PPP1R13L: variants seen among roughly 807,000 people sequenced by gnomAD.
PPP1R13L encodes the protein relA-associated inhibitor.
In PPP1R13L, 50 loss-of-function variants were observed where a neutral mutation model predicts 80.9. The observed-to-expected ratio is 0.62, with a 90% CI of 0.49 to 0.78. The LOEUF is 0.78. Ranked by LOEUF, PPP1R13L falls within the 30% of genes least tolerant of loss-of-function variation. The probability of loss-of-function intolerance (pLI) is 0.00; values close to 1 mark genes in which losing one functional copy is unlikely to be tolerated. For synonymous variants in PPP1R13L, 602 were observed against 534.3 expected, an observed-to-expected ratio of 1.13 and a Z score of -1.75; for missense variants, 1,200 against 1,205.9, an observed-to-expected ratio of 1.00 and a Z score of 0.07.
Position 45,380,729 on chromosome 19 carries a change from G to C in PPP1R13L, c.2449-501C>G, listed in dbSNP as rs1001781232. The stretch of plus-strand genomic sequence containing the variant: ...AGCTACTTGGGAGGCTGAGGCAGGA[G>C]AATCACTTGAATCCGGGAGGTGGAG... On this transcript the variant is annotated intron_variant, in intron 12 of 12. Transcript: ENST00000360957. 2.6e-5 allele frequency among the ~76,000 whole-genome samples: 4 copies of C among 151,954 alleles called. 1 individual carries two copies. The South Asian group carries it at 8.3e-4, about 31-fold the overall frequency.
rs776665113 is a variant in PPP1R13L at position 45,396,387 on chromosome 19, G to A, written c.762C>T (p.Asp254=). 3.2e-5 allele frequency: 51 copies of A among 1,614,032 alleles called. No individual in the cohort carries two copies. Among genetic ancestry groups the A allele is most frequent in the Non-Finnish European group, 4.1e-5 (48 of 1,180,006 alleles). ...GCTTCTTCTCGTACGCCACGTCCAGGTCAGACTCGTTCCAGGCTTTCGGAG... is the reference window on the plus strand; with the variant it reads ...GCTTCTTCTCGTACGCCACGTCCAGATCAGACTCGTTCCAGGCTTTCGGAG... The part of the protein sequence containing the change: ...RRPPKAWNES[D]LDVAYEKKPS... The change falls in exon 5 of 13, where the codon GAC becomes GAT. Residue 254 remains aspartate, a synonymous_variant. Transcript: ENST00000360957. The surrounding 1 kb of genome is among the most constrained non-coding windows in gnomAD (Gnocchi z 5.3).
chr19:45,404,697 C>T (rs1248383271), intron 1 of PPP1R13L, among the ~76,000 whole-genome samples: 2 of 152,188 alleles, frequency 1.3e-5, no homozygotes, highest in Admixed American at 1.3e-4. Context: ...GATTCGAACC[C>T]CTATACTACC....
In PPP1R13L at chr19:45,397,462, TTCTCTCTC is replaced by T. The variant is rs750460850; in HGVS notation, c.199-412_199-405del. Among the ~76,000 whole-genome samples, 511 of 106,932 alleles carry T rather than the reference TTCTCTCTC, an allele frequency of 4.8e-3. 10 individuals are homozygous for T. The highest frequency in any genetic ancestry group is 0.01 in the South Asian group (31 of 2,980). The allele number at this position is 106,932 out of a possible 152,430, so 70.2% of individuals were successfully genotyped here. A position where few individuals can be genotyped will look rare whatever the true frequency, so the allele number is the denominator to read the frequency against. ...CTCCCTCCCTCCCTGCTTGCTTGCTTTCTCTCTCTCTCTTTCTTTCTTTCTTTCTTTCT... is the reference window on the plus strand; with the variant it reads ...CTCCCTCCCTCCCTGCTTGCTTGCTTTCTCTTTCTTTCTTTCTTTCTTTCT... On this transcript the variant is annotated intron_variant, in intron 3 of 12. Transcript: ENST00000360957.
chr19:45,405,289 G>A (rs1973311786), upstream of PPP1R13L, among the ~76,000 whole-genome samples: 1 of 152,198 alleles, frequency 6.6e-6, no homozygotes, highest in Non-Finnish European at 1.5e-5. Context: ...AGGCCAGGGA[G>A]ATACAGAAGA....
chr19:45,392,280 G>C lies in PPP1R13L; in HGVS notation c.1415C>G (p.Pro472Arg). The change falls in exon 8 of 13, where the codon CCA becomes CGA. Residue 472 changes from proline to arginine, a missense_variant. Pro to Arg is a moderately radical substitution (Grantham distance 103). Coordinates refer to ENST00000360957, the MANE Select transcript of PPP1R13L (RefSeq NM_006663.4). The stretch of plus-strand genomic sequence containing the variant: ...ATCCACATCGCCAGCCTCCAGCACT[G>C]GTGTCAGCAGCCCCTCTATCTCCGG... ...PEPEIEGLLTPVLEAGDVDEG... is the reference protein window; with the variant it reads ...PEPEIEGLLTRVLEAGDVDEG... 1 of 1,613,586 alleles carries C rather than the reference G, an allele frequency of 6.2e-7. No individual in the cohort carries two copies. The highest frequency in any genetic ancestry group is 8.5e-7 in the Non-Finnish European group (1 of 1,180,024).
At chr19:45,402,309 C>T (rs1973249454) in intron 1 of PPP1R13L, among the ~76,000 whole-genome samples, 1 of 152,198 alleles carries the variant, frequency 6.6e-6, no homozygotes, top group Non-Finnish European at 1.5e-5. Flanking sequence ...TCTCGAACTC[C>T]TAGCCTCATG....
intron 8 of PPP1R13L, among the ~76,000 whole-genome samples, chr19:45,389,469 G>T (rs2123364353): frequency 6.6e-6 from 1 of 152,294 alleles, no homozygotes; most frequent in East Asian, 1.9e-4. Flanking sequence ...AACAGTAAGA[G>T]CAGTTAACAG....
Position 45,396,016 on chromosome 19 carries a change from G to A in PPP1R13L, c.904-130C>T, listed in dbSNP as rs1224932056. The A allele has an allele frequency of 3.2e-6, 4 of 1,268,838 alleles. No individual in the cohort carries two copies. The highest frequency in any genetic ancestry group is 2.2e-5 in the Admixed American group (1 of 44,720). 78.6% of individuals were successfully genotyped at this position (1,268,838 alleles called of 1,614,324 possible). A position where few individuals can be genotyped will look rare whatever the true frequency, so the allele number is the denominator to read the frequency against. ...GTGAGGGAGAAGAAAGGGTGAGGAA[G>A]GAGCAGAAACCCAGCACAGTGAAGG... On this transcript the variant is annotated intron_variant, in intron 6 of 12. Transcript: ENST00000360957. The surrounding 1 kb of genome is among the most constrained non-coding windows in gnomAD (Gnocchi z 5.3).
intron 12 of PPP1R13L, among the ~76,000 whole-genome samples, chr19:45,380,632 A>G (rs1411765594): frequency 6.6e-6 from 1 of 152,170 alleles, no homozygotes; most frequent in Admixed American, 6.6e-5. Context: ...AGCCTGGTCA[A>G]CATGACGAGA....
At chr19:45,380,340 C>T (rs1972738729) in intron 12 of PPP1R13L, 112 bp from the exon 13 acceptor site, 3 of 1,219,386 alleles carry the variant, frequency 2.5e-6, no homozygotes, top group Non-Finnish European at 3.6e-6. Context: ...CCTCTCAGCA[C>T]CTCCCAAACT....
chr19:45,401,530 C>T (rs1195769274), intron 1 of PPP1R13L, among the ~76,000 whole-genome samples: 1 of 152,038 alleles, frequency 6.6e-6, no homozygotes, highest in Non-Finnish European at 1.5e-5. Context: ...CCTTTAATCT[C>T]TATGAGCCCC....
intron 1 of PPP1R13L, among the ~76,000 whole-genome samples, chr19:45,404,105 G>C (rs1252885738): frequency 6.6e-6 from 1 of 152,136 alleles, no homozygotes; most frequent in Admixed American, 6.5e-5. Context: ...GAAGAAGGAG[G>C]AGGCAGAATC....
At chr19:45,397,952 C>G in intron 3 of PPP1R13L, 53 bp downstream of exon 3, 1 of 1,571,290 alleles carries the variant, frequency 6.4e-7, no homozygotes, top group Non-Finnish European at 8.7e-7. Context: ...GGCCTCTGGT[C>G]TGGACTGTGG....
intron 11 of PPP1R13L, among the ~76,000 whole-genome samples, chr19:45,383,293 C>CTTTTTTTTT (rs1164667426): frequency 1.6e-5 from 1 of 62,840 alleles, no homozygotes; most frequent in Non-Finnish European, 2.7e-5. Flanking sequence ...CGCGCCCGGC[C>CTTTTTTTTT]TTTTTTTTTT....
intron 3 of PPP1R13L, 134 bp from the exon 4 acceptor site, chr19:45,397,192 C>T (rs1973122847): frequency 3.0e-6 from 2 of 664,552 alleles, no homozygotes; most frequent in Non-Finnish European, 4.3e-6. Flanking sequence ...GAAATTCAGG[C>T]ACAGAGAGCC....
In PPP1R13L at chr19:45,392,150, C is replaced by T. The variant is rs150359186; in HGVS notation, c.1545G>A (p.Ala515=). ...TGCGTTTGAGGGGCCGGGGAATTTC[C>T]GCCAACACCCGTGCCACCTCCTCCA... ...PELEEVARVL[A]EIPRPLKRRG... The change falls in exon 8 of 13, where the codon GCG becomes GCA. Residue 515 remains alanine (A), a synonymous_variant. Coordinates refer to ENST00000360957, the MANE Select transcript of PPP1R13L (RefSeq NM_006663.4). 59 of 1,585,122 alleles carry T rather than the reference C, an allele frequency of 3.7e-5. No homozygotes were observed. The African/African-American group carries it at 3.8e-4, about 10-fold the overall frequency.
chr19:45,406,279 C>G (rs963220404), upstream of PPP1R13L: 3 of 1,046,594 alleles, frequency 2.9e-6, no homozygotes, highest in Non-Finnish European at 3.5e-6. This position sits in a 1 kb window ranked among gnomAD's most constrained non-coding sequence, Gnocchi z 4.2. Flanking sequence ...GCCCTACTAA[C>G]TAGTATTCTT....
chr19:45,399,446 A>T (rs1255012003), intron 1 of PPP1R13L, among the ~76,000 whole-genome samples: 1 of 145,990 alleles, frequency 6.8e-6, no homozygotes, highest in African/African-American at 2.5e-5. Context: ...AACATGGTGA[A>T]ACCCCGTCTC....
At chr19:45,386,320 G>A (rs1972869234) in intron 8 of PPP1R13L, 140 bp from the exon 9 acceptor site, 2 of 1,115,202 alleles carry the variant, frequency 1.8e-6, no homozygotes, top group Non-Finnish European at 2.4e-6. Context: ...GATGGGGTGA[G>A]GGGGTGCCTT....
Sources: allele counts gnomAD v4.1 joint callset (sites outside exome capture counted in the v4.1 genomes callset), GRCh38; gene constraint gnomAD v4.1.1; non-coding constraint Gnocchi (gnomAD v3.1); transcripts MANE v1.5; gene names NCBI Gene and HGNC (gene_info 2026-07-23, HGNC 2026-07-21).